SPANXN1: variants seen among roughly 807,000 people sequenced by gnomAD.
SPANXN1 encodes the protein SPANX family member N1.
In SPANXN1, 1 loss-of-function variant was observed where a neutral mutation model predicts 2.0. The ratio of observed to expected loss-of-function variants is 0.50; its 90% confidence interval spans 0.18 to 2.36. The LOEUF (loss-of-function observed/expected upper bound fraction) is 2.36. SPANXN1 is among the 30% of genes most tolerant of loss of function. The probability of loss-of-function intolerance (pLI) is 0.26; values close to 1 mark genes in which losing one functional copy is unlikely to be tolerated. For synonymous variants in SPANXN1, 27 were observed against 21.3 expected (o/e 1.27, Z -0.74); for missense variants, 55 against 51.8 (o/e 1.06, Z -0.19).
intron 1 of SPANXN1, among the ~76,000 whole-genome samples, chrX:145,250,036 G>A (rs1286206909): frequency 9.0e-6 from 1 of 111,407 alleles, no homozygotes; most frequent in African/African-American, 3.3e-5. Context: ...GTGAAGTCCA[G>A]GCCATTTTAA....
Position 145,247,622 on chromosome X carries a change from G to A in SPANXN1, c.36G>A (p.Lys12=). ...CCACTTCAAGCATCAATGGGGAGAA[G>A]AGGAAGAGCCCCTGTGAATCCAACA... ...EQPTSSINGE[K]RKSPCESNNE... The change falls in exon 1 of 2, where the codon AAG becomes AAA. Residue 12 remains lysine (K), a synonymous_variant. Transcript: ENST00000370493. The A allele has an allele frequency of 8.3e-7, 1 of 1,211,001 alleles. No homozygotes were observed. Among genetic ancestry groups the A allele is most frequent in the Non-Finnish European group, 1.1e-6 (1 of 894,920 alleles).
Position 145,256,011 on chromosome X carries a change from C to A in SPANXN1, c.*197C>A. On this transcript the variant is annotated 3_prime_UTR_variant, in exon 2 of 2. Coordinates refer to ENST00000370493, the MANE Select transcript of SPANXN1 (RefSeq NM_001009614.3). Reference sequence around the variant, plus strand: ...GAAGACCTAGGCTTACCTGAAGGATCTTCAAAGCAGGATGAAGACCTAGAC... The same window carrying A: ...GAAGACCTAGGCTTACCTGAAGGATATTCAAAGCAGGATGAAGACCTAGAC... The A allele has an allele frequency of 2.5e-6, 2 of 798,472 alleles. No homozygotes were observed. Among genetic ancestry groups the A allele is most frequent in the Non-Finnish European group, 3.8e-6 (2 of 531,443 alleles). 65.8% of individuals were successfully genotyped at this position (798,472 alleles called of 1,213,427 possible).
intron 1 of SPANXN1, among the ~76,000 whole-genome samples, chrX:145,252,252 A>C (rs1280437647): frequency 9.0e-6 from 1 of 111,535 alleles, no homozygotes; most frequent in African/African-American, 3.3e-5. Flanking sequence ...AGACTTTGGT[A>C]AGCTGGGTTT....
At chrX:145,254,811 G>A (rs1478930837) in intron 1 of SPANXN1, among the ~76,000 whole-genome samples, 2 of 111,675 alleles carry the variant, frequency 1.8e-5, no homozygotes, top group Admixed American at 9.5e-5. Context: ...GAAAGGGGAA[G>A]GAAGGGAAAA....
At chrX:145,254,324 A>G (rs1602860740) in intron 1 of SPANXN1, among the ~76,000 whole-genome samples, 1 of 112,047 alleles carries the variant, frequency 8.9e-6, no homozygotes, top group Non-Finnish European at 1.9e-5. Context: ...TGTTGGAGAA[A>G]GTTTTTCAGA....
At chrX:145,252,420 T>A (rs1245581386) in intron 1 of SPANXN1, among the ~76,000 whole-genome samples, 1 of 110,926 alleles carries the variant, frequency 9.0e-6, no homozygotes, top group Non-Finnish European at 1.9e-5. Flanking sequence ...AAGGGGTAAG[T>A]CTTGTCTGTC....
Position 145,252,495 on chromosome X carries a change from A to G in SPANXN1, c.76-3176A>G, listed in dbSNP as rs1294324151. On this transcript the variant is annotated intron_variant, in intron 1 of 1. Coordinates refer to ENST00000370493, the MANE Select transcript of SPANXN1 (RefSeq NM_001009614.3). ...ACGGGCTTGAGAATTTGAGCTTGCA[A>G]AAGTTTACAAATAGGATTGAGGCCC... Among the ~76,000 whole-genome samples, 5 of 110,859 alleles carry G rather than the reference A, an allele frequency of 4.5e-5. No individual in the cohort carries two copies. In the East Asian group the frequency reaches 1.1e-3, roughly 25 times the overall value.
intron 1 of SPANXN1, among the ~76,000 whole-genome samples, chrX:145,252,620 G>A (rs1192093402): frequency 9.0e-6 from 1 of 111,076 alleles, no homozygotes; most frequent in African/African-American, 3.3e-5. Flanking sequence ...GGCTATTGTG[G>A]GTTTAGAAAC....
At chrX:145,249,233 G>T (rs1366245759) in intron 1 of SPANXN1, among the ~76,000 whole-genome samples, 1 of 110,067 alleles carries the variant, frequency 9.1e-6, no homozygotes, top group African/African-American at 3.3e-5. Flanking sequence ...GAAGTAAAAG[G>T]GGAGTGTGAC....
At chrX:145,252,615 T>C (rs782164661) in intron 1 of SPANXN1, among the ~76,000 whole-genome samples, 8 of 111,034 alleles carry the variant, frequency 7.2e-5, no homozygotes, top group East Asian at 5.7e-4. Context: ...TGTGTGGCTA[T>C]TGTGGGTTTA....
intron 1 of SPANXN1, among the ~76,000 whole-genome samples, chrX:145,251,166 G>T: frequency 8.9e-6 from 1 of 111,861 alleles, no homozygotes. Context: ...TCCCTGCAAA[G>T]AGGCATCTGA....
chrX:145,248,331 C>T (rs1293844803), intron 1 of SPANXN1, among the ~76,000 whole-genome samples: 2 of 110,907 alleles, frequency 1.8e-5, no homozygotes, highest in Non-Finnish European at 3.8e-5. Flanking sequence ...GGGAGTTTAG[C>T]CTTCGGGAGA....
chrX:145,254,812 G>A (rs1420580606), intron 1 of SPANXN1, among the ~76,000 whole-genome samples: 4 of 111,702 alleles, frequency 3.6e-5, no homozygotes, highest in Non-Finnish European at 7.5e-5. Context: ...AAAGGGGAAG[G>A]AAGGGAAAAG....
rs141777275 is a variant in SPANXN1, at chrX:145,249,815, G to A, written c.75+2154G>A. Among the ~76,000 whole-genome samples the A allele has an allele frequency of 9.1e-3, 1,010 of 110,876 alleles. 6 individuals are homozygous for A. Among genetic ancestry groups the A allele is most frequent in the Non-Finnish European group, 0.014 (747 of 53,009 alleles). ...GACAGGGAGGAGTGTTTTGAGGATG[G>A]ACTTTTAGGCTGGGTCAAGTAAGCA... On this transcript the variant is annotated intron_variant, in intron 1 of 1. Coordinates refer to ENST00000370493, the MANE Select transcript of SPANXN1 (RefSeq NM_001009614.3).
chrX:145,255,621 C>T, intron 1 of SPANXN1, 50 bp from the exon 2 acceptor site: 1 of 1,208,660 alleles, frequency 8.3e-7, no homozygotes, highest in Non-Finnish European at 1.1e-6. Flanking sequence ...AGTCTCTATC[C>T]TATTCACCCA....
chrX:145,252,853 T>C (rs2042329305), intron 1 of SPANXN1, among the ~76,000 whole-genome samples: 1 of 110,133 alleles, frequency 9.1e-6, no homozygotes. Context: ...TTGAATAGGT[T>C]GCATAATAAA....
chrX:145,255,346 T>A (rs1454656690), intron 1 of SPANXN1, among the ~76,000 whole-genome samples: 6 of 111,887 alleles, frequency 5.4e-5, no homozygotes, highest in African/African-American at 2.0e-4. Flanking sequence ...GTTTCTTTAG[T>A]TGGGCCTTTG....
rs1556883155 is a variant in SPANXN1, at chrX:145,255,931, A to G, written c.*117A>G. ...CTGAAGGCCTAGACTCAGCTGAAGG[A>G]TCTTCAAAGCAGGATGAAGACCTAG... is the stretch of plus-strand genomic sequence containing the variant. On this transcript the variant is annotated 3_prime_UTR_variant, in exon 2 of 2. Transcript: ENST00000370493. 1 of 1,165,937 alleles carries G rather than the reference A, an allele frequency of 8.6e-7. No homozygotes were observed. The highest frequency in any genetic ancestry group is 1.2e-6 in the Non-Finnish European group (1 of 856,035).
Position 145,249,446 on chromosome X carries a change from G to T in SPANXN1, c.75+1785G>T, listed in dbSNP as rs138879824. Among the ~76,000 whole-genome samples, 1,088 of 111,228 alleles carry T rather than the reference G, an allele frequency of 9.8e-3. 7 individuals carry two copies. Among genetic ancestry groups the T allele is most frequent in the Middle Eastern group, 0.019 (4 of 216 alleles). On this transcript the variant is annotated intron_variant, in intron 1 of 1. Transcript: ENST00000370493. Reference sequence around the variant, plus strand: ...GGCATAGACTATCCAGGGACATAGGGAAGGGAAACCAGGAAAGATCTGAAA... The same window carrying T: ...GGCATAGACTATCCAGGGACATAGGTAAGGGAAACCAGGAAAGATCTGAAA...
Sources: allele counts gnomAD v4.1 joint callset (sites outside exome capture counted in the v4.1 genomes callset), GRCh38; gene constraint gnomAD v4.1.1; transcripts MANE v1.5; gene names NCBI Gene and HGNC (gene_info 2026-07-23, HGNC 2026-07-21).